Variants in INSL6 observed in about 807,000 individuals in gnomAD.
The protein encoded by INSL6 is insulin like 6, also known as insulin-like peptide INSL6.
INSL6 carries 16 observed loss-of-function variants against 9.4 expected under a neutral mutation model. The observed-to-expected ratio is 1.70, with a 90% CI of 1.15 to 2.59. The LOEUF (loss-of-function observed/expected upper bound fraction) is 2.59. Ranked by LOEUF, INSL6 falls within the 30% of genes most tolerant of loss-of-function variation. The pLI, the probability that INSL6 is intolerant of heterozygous loss-of-function variation, is 0.00. For missense variants in INSL6, 391 were observed against 257.3 expected (o/e 1.52, Z -3.56); for synonymous variants, 154 against 96.9 (o/e 1.59, Z -3.46).
At chr9:5,108,955 A>C in the INSL6 span, 1 of 152,110 alleles carries the variant, frequency 6.6e-6, no homozygotes. Flanking sequence ...TACTTACCTG[A>C]GGCCTTCAAA....
chr9:5,102,004 G>A, the INSL6 span, among the ~76,000 whole-genome samples: 1 of 152,158 alleles, frequency 6.6e-6, no homozygotes, highest in Non-Finnish European at 1.5e-5. Context: ...TCCTCCAAAG[G>A]ATTGCAGCTC....
chr9:5,025,284 T>G, the INSL6 span, among the ~76,000 whole-genome samples: 1 of 152,314 alleles, frequency 6.6e-6, no homozygotes, highest in Admixed American at 6.5e-5. Context: ...ACCCTTGGTA[T>G]CGTAGTCAAA....
chr9:5,029,767 T>G, the INSL6 span: 5 of 1,598,190 alleles, frequency 3.1e-6, no homozygotes, highest in East Asian at 9.0e-5. Flanking sequence ...AATTCCTTTC[T>G]CTGCTTCTTT....
chr9:5,157,637 G>C (rs947238916), intron 2 of INSL6, among the ~76,000 whole-genome samples: 8 of 152,142 alleles, frequency 5.3e-5, no homozygotes, highest in African/African-American at 1.9e-4. Context: ...AAATGTAGGG[G>C]AAAATCTTAA....
chr9:5,096,564 A>G, the INSL6 span: 1 of 152,226 alleles, frequency 6.6e-6, no homozygotes, highest in East Asian at 1.9e-4. Context: ...TTTGCAATTC[A>G]ACATAAAAAA....
At chr9:5,181,952 C>G (rs191214670) in intron 1 of INSL6, among the ~76,000 whole-genome samples, 130 of 152,240 alleles carry the variant, frequency 8.5e-4, no homozygotes, top group African/African-American at 2.0e-3. Flanking sequence ...GATATGAGGA[C>G]ACAGGATTGG....
At chr9:5,166,138 G>A (rs1825045036) in intron 1 of INSL6, among the ~76,000 whole-genome samples, 1 of 152,236 alleles carries the variant, frequency 6.6e-6, no homozygotes, top group Admixed American at 6.5e-5. Context: ...GTCATGACAA[G>A]CTAAAGTCAT....
At chr9:5,111,205 G>A in the INSL6 span, 5 of 626,346 alleles carry the variant, frequency 8.0e-6, no homozygotes, top group African/African-American at 3.8e-5. Flanking sequence ...ACCGGGACTC[G>A]GAGGCAAGAG....
At chr9:5,016,347 G>C in the INSL6 span, among the ~76,000 whole-genome samples, 1 of 152,148 alleles carries the variant, frequency 6.6e-6, no homozygotes. Context: ...GGTAGGCTAA[G>C]TTGTGGCAGC....
the INSL6 span, chr9:5,110,843 G>GT: frequency 2.1e-6 from 1 of 467,550 alleles, no homozygotes; most frequent in Non-Finnish European, 4.1e-6. Flanking sequence ...GGGGAAGGTG[G>GT]GGGGGACGCT....
chr9:5,039,515 T>C, the INSL6 span, among the ~76,000 whole-genome samples: 2 of 152,134 alleles, frequency 1.3e-5, no homozygotes, highest in Non-Finnish European at 2.9e-5. Flanking sequence ...TGGGAGGTTC[T>C]GGAACTAGTA....
At chr9:5,089,580 T>TCCAGCTA in the INSL6 span, 1 of 328,420 alleles carries the variant, frequency 3.0e-6, no homozygotes, top group Non-Finnish European at 5.4e-6. Flanking sequence ...GTCTGCTAAT[T>TCCAGCTA]CCAGCTACTA....
chr9:5,057,775 G>A, the INSL6 span, among the ~76,000 whole-genome samples: 7 of 151,916 alleles, frequency 4.6e-5, no homozygotes, highest in Admixed American at 1.3e-4. Flanking sequence ...TAGAGACGGG[G>A]TTTCACCATG....
chr9:5,095,548 GC>G, the INSL6 span, among the ~76,000 whole-genome samples: 10 of 151,938 alleles, frequency 6.6e-5, no homozygotes, highest in African/African-American at 2.4e-4. Context: ...GCTAGAAATA[GC>G]CCCCTTTCAC....
chr9:5,152,669 G>C (rs1374711757), intron 2 of INSL6, among the ~76,000 whole-genome samples: 1 of 152,126 alleles, frequency 6.6e-6, no homozygotes, highest in Non-Finnish European at 1.5e-5. Context: ...AATAAAGCTA[G>C]AAGCATAAAA....
At chr9:5,010,430 C>T in the INSL6 span, among the ~76,000 whole-genome samples, 18 of 152,180 alleles carry the variant, frequency 1.2e-4, no homozygotes, top group Admixed American at 3.3e-4. Flanking sequence ...AAGCAATTCT[C>T]CTGCCTCAGC....
chr9:5,140,058 A>C (rs1216144833), intron 2 of INSL6, among the ~76,000 whole-genome samples: 3 of 152,220 alleles, frequency 2.0e-5, no homozygotes, highest in African/African-American at 2.4e-5. Context: ...ATTTCTAAAA[A>C]GAAGTTTATT....
the INSL6 span, chr9:5,050,661 A>C: frequency 6.3e-7 from 1 of 1,599,992 alleles, no homozygotes; most frequent in Non-Finnish European, 8.5e-7. Context: ...ACGATGAGAT[A>C]TTTCCTTCAA....
rs145689326 is a variant in INSL6 at position 5,166,033 on chromosome 9, C to T, written c.290-1768G>A. On this transcript the variant is annotated intron_variant, in intron 1 of 1. Transcript: ENST00000381641. Reference sequence around the variant, plus strand: ...CGTCATGTGAAAAACATGAATCGACCCAATCAGATTTCCTCAGTTTGAAAC... The same window carrying T: ...CGTCATGTGAAAAACATGAATCGACTCAATCAGATTTCCTCAGTTTGAAAC... Among the ~76,000 whole-genome samples, 751 of 152,196 alleles carry T rather than the reference C, an allele frequency of 4.9e-3. 4 individuals are homozygous for T. Among genetic ancestry groups the T allele is most frequent in the Admixed American group, 8.2e-3 (126 of 15,292 alleles).
Sources: allele counts gnomAD v4.1 joint callset (sites outside exome capture counted in the v4.1 genomes callset), GRCh38; gene constraint gnomAD v4.1.1; transcripts MANE v1.5; gene names NCBI Gene and HGNC (gene_info 2026-07-23, HGNC 2026-07-21).